Variants in LTBP2 observed in about 807,000 individuals in gnomAD.
LTBP2 encodes the protein latent-transforming growth factor beta-binding protein 2.
LTBP2 carries 103 observed loss-of-function variants against 210.6 expected under a neutral mutation model. The ratio of observed to expected loss-of-function variants is 0.49; its 90% CI spans 0.42 to 0.58. The LOEUF (loss-of-function observed/expected upper bound fraction) is 0.58, where lower values mean the gene tolerates loss of function less well. Among genes scored for constraint, LTBP2 ranks in the 20% least tolerant of loss-of-function variants. The pLI, the probability that LTBP2 is intolerant of heterozygous loss-of-function variation, is 0.00. For missense variants in LTBP2, 2,313 were observed against 2,494.5 expected (o/e 0.93, Z 1.55); for synonymous variants, 1,007 against 1,015.0 (o/e 0.99, Z 0.15).
At position 74,499,249 on chromosome 14, in the gene LTBP2, A is replaced by T. The variant is rs2086884745; in HGVS notation, c.*1635T>A. The T allele has an allele frequency of 4.6e-6, 1 of 217,330 alleles. No homozygotes were observed. The highest frequency in any genetic ancestry group is 9.3e-6 in the Non-Finnish European group (1 of 107,928). 13.5% of individuals were successfully genotyped at this position (217,330 alleles called of 1,614,324 possible). ...ATTATGAGTGAAAGAATATTTTTAC[A>T]TGCGTAAGAGTGACTTATTTTTGTC... On this transcript the variant is annotated 3_prime_UTR_variant, in exon 36 of 36. Transcript: ENST00000261978.
chr14:74,607,126 T>A (rs1371552057), intron 1 of LTBP2, among the ~76,000 whole-genome samples: 1 of 152,202 alleles, frequency 6.6e-6, no homozygotes, highest in African/African-American at 2.4e-5. Context: ...GCATTTTAAG[T>A]TTACAGATCA....
intron 8 of LTBP2, among the ~76,000 whole-genome samples, chr14:74,539,040 G>C (rs908607600): frequency 1.5e-4 from 23 of 152,260 alleles, no homozygotes; most frequent in Non-Finnish European, 2.9e-4. Context: ...AGGAGCAGAA[G>C]GTGGGAAAGA....
intron 20 of LTBP2, 37 bp downstream of exon 20, chr14:74,510,054 C>G (rs368874829): frequency 6.2e-7 from 1 of 1,613,752 alleles, no homozygotes; most frequent in African/African-American, 1.3e-5. Flanking sequence ...CAAGCTGGAT[C>G]GGCCTGCGGA....
chr14:74,589,874 C>T (rs1030802069), intron 2 of LTBP2, among the ~76,000 whole-genome samples: 9 of 152,118 alleles, frequency 5.9e-5, no homozygotes, highest in African/African-American at 1.4e-4. Context: ...CAAAGCCCGG[C>T]GTGGGTGAGA....
At chr14:74,549,552 G>T (rs750225767) in intron 8 of LTBP2, among the ~76,000 whole-genome samples, 1 of 152,218 alleles carries the variant, frequency 6.6e-6, no homozygotes, top group Non-Finnish European at 1.5e-5. Context: ...CTGGACCCCT[G>T]GCATCTGGGA....
intron 17 of LTBP2, among the ~76,000 whole-genome samples, chr14:74,520,527 G>T (rs1452275097): frequency 6.6e-6 from 1 of 152,210 alleles, no homozygotes; most frequent in Non-Finnish European, 1.5e-5. Context: ...TCTTGGTCAG[G>T]TGTGGTGGCT....
intron 12 of LTBP2, among the ~76,000 whole-genome samples, chr14:74,528,173 G>A (rs2087299625): frequency 1.3e-5 from 2 of 152,242 alleles, no homozygotes; most frequent in African/African-American, 4.8e-5. Context: ...GGCCCCAGAA[G>A]CTGCATGGCC....
In LTBP2 at chr14:74,508,612, C is replaced by A; in HGVS notation, c.3644G>T (p.Ser1215Ile). ...PGFVSAEGGT[S>I]CQDVDECATT... ...CTGTGCTGGCTTCTCACCCTGGCAG[C>A]TGGTGCCCCCCTCTGCGCTGACGAA... The change falls in exon 24 of 36, where the codon AGC (serine) becomes ATC (isoleucine). Residue 1215 changes from serine (S) to isoleucine (I), a missense_variant. Physicochemically the swap from Ser to Ile is moderately radical, Grantham distance 142 (BLOSUM62 -2). This residue lies in a region of LTBP2 where 1,867 missense variants were observed against 1,976.9 expected (regional missense o/e 0.94). Transcript: ENST00000261978. The A allele has an allele frequency of 6.2e-7, 1 of 1,607,940 alleles. No individual in the cohort carries two copies. Among genetic ancestry groups the A allele is most frequent in the Non-Finnish European group, 8.5e-7 (1 of 1,179,750 alleles).
At position 74,501,607 on chromosome 14, in the gene LTBP2, G is replaced by A. The variant is rs144298924; in HGVS notation, c.5171-17C>T. The A allele has an allele frequency of 1.5e-5, 25 of 1,613,700 alleles. No homozygotes were observed. The highest frequency in any genetic ancestry group is 1.7e-4 in the Middle Eastern group (1 of 6,012). On this transcript the variant is annotated splice_polypyrimidine_tract_variant and intron_variant, in intron 34 of 35. Coordinates refer to ENST00000261978, the MANE Select transcript of LTBP2 (RefSeq NM_000428.3). ...CTGGGGGCTCTGGGAGGAGGAAATC[G>A]GAGAGAGGAGGAGGCTGAGGGCTGT...
intron 3 of LTBP2, among the ~76,000 whole-genome samples, chr14:74,577,306 G>T (rs969615982): frequency 1.3e-5 from 2 of 152,166 alleles, no homozygotes; most frequent in African/African-American, 4.8e-5. Flanking sequence ...TGAGGAAATG[G>T]GTGACACAGC....
intron 1 of LTBP2, among the ~76,000 whole-genome samples, chr14:74,611,222 G>A (rs978473838): frequency 2.0e-5 from 3 of 152,242 alleles, no homozygotes; most frequent in African/African-American, 4.8e-5. Flanking sequence ...GGGGCTCCGG[G>A]AGAGTTGGTA....
At chr14:74,511,592 G>T (rs1337572129) in intron 18 of LTBP2, among the ~76,000 whole-genome samples, 1 of 152,216 alleles carries the variant, frequency 6.6e-6, no homozygotes, top group Non-Finnish European at 1.5e-5. Flanking sequence ...AGACTCCCTG[G>T]GTGGGTGCAG....
Position 74,586,015 on chromosome 14 carries a change from G to A in LTBP2, c.669C>T (p.Pro223=), listed in dbSNP as rs764882028. ...FRGARCEEVI[P]DEEFDPQNSR... ...AGTTCTGGGGGTCAAATTCCTCATC[G>A]GGAATGACCTCCTCGCAGCGGGCTC... The change falls in exon 3 of 36, where the codon CCC becomes CCT. Residue 223 remains proline (P), a synonymous_variant. Transcript: ENST00000261978. The surrounding 1 kb of genome is among the most constrained non-coding windows in gnomAD (Gnocchi z 4.6). 16 of 1,608,220 alleles carry A rather than the reference G, an allele frequency of 9.9e-6. No individual in the cohort carries two copies. Among genetic ancestry groups the A allele is most frequent in the South Asian group, 7.8e-5 (7 of 90,058 alleles).
At chr14:74,588,134 T>C (rs747927608) in intron 2 of LTBP2, among the ~76,000 whole-genome samples, 28 of 152,328 alleles carry the variant, frequency 1.8e-4, no homozygotes, top group Admixed American at 3.9e-4. Context: ...CTCCCTCCTT[T>C]GATTAACAGG....
At chr14:74,582,192 C>T (rs2088145323) in intron 3 of LTBP2, among the ~76,000 whole-genome samples, 1 of 151,890 alleles carries the variant, frequency 6.6e-6, no homozygotes, top group African/African-American at 2.4e-5. Flanking sequence ...AGAGCAAACC[C>T]AGTGGAGGTC....
chr14:74,607,953 G>A (rs1488969085), intron 1 of LTBP2, among the ~76,000 whole-genome samples: 16 of 145,930 alleles, frequency 1.1e-4, no homozygotes, highest in Admixed American at 4.2e-4. Context: ...TCGCTCTGTC[G>A]CCCAGGCCGG....
chr14:74,500,524 G>T lies in LTBP2; in HGVS notation c.*360C>A. The T allele has an allele frequency of 2.2e-6, 1 of 446,002 alleles. No individual in the cohort carries two copies. Among genetic ancestry groups the T allele is most frequent in the South Asian group, 2.2e-5 (1 of 45,148 alleles). 27.6% of individuals were successfully genotyped at this position (446,002 alleles called of 1,614,324 possible). On this transcript the variant is annotated 3_prime_UTR_variant, in exon 36 of 36. Coordinates refer to ENST00000261978, the MANE Select transcript of LTBP2 (RefSeq NM_000428.3). The stretch of plus-strand genomic sequence containing the variant: ...TCAGGATGATGGTGGATTGTGGCTG[G>T]AAAGGGGTGTCTGCAGTGTGAGGCC...
intron 8 of LTBP2, among the ~76,000 whole-genome samples, chr14:74,539,389 G>A (rs1385633186): frequency 6.6e-6 from 1 of 152,138 alleles, no homozygotes; most frequent in Non-Finnish European, 1.5e-5. Context: ...AGGCCGGAAA[G>A]GTATCAACTC....
At chr14:74,507,158 C>T in intron 26 of LTBP2, 21 bp downstream of exon 26, 1 of 1,614,164 alleles carries the variant, frequency 6.2e-7, no homozygotes, top group East Asian at 2.2e-5. Flanking sequence ...TCTCTCCTCT[C>T]TCTCCTCCCT....
Sources: gnomAD v4.1 joint callset for allele counts (sites outside exome capture counted in the v4.1 genomes callset) on GRCh38, gnomAD v4.1.1 for gene constraint, gnomAD v4.1.1 regional missense constraint, Gnocchi (gnomAD v3.1) non-coding constraint, MANE v1.5 for transcripts, NCBI Gene and HGNC (gene_info 2026-07-23, HGNC 2026-07-21) for gene names.